The following CEP112 variants were observed in gnomAD, a reference collection of about 807,000 sequenced individuals.
CEP112 encodes centrosomal protein of 112 kDa.
CEP112 carries 127 observed loss-of-function variants against 153.0 expected under a neutral mutation model. The ratio of observed to expected loss-of-function variants is 0.83; its 90% CI spans 0.72 to 0.96. The LOEUF (loss-of-function observed/expected upper bound fraction) is 0.96. CEP112 is among the 40% of genes least tolerant of loss of function. The probability of loss-of-function intolerance (pLI) is 0.00; values close to 1 mark genes in which losing one functional copy is unlikely to be tolerated. For synonymous variants in CEP112, 358 were observed against 374.4 expected, an observed-to-expected ratio of 0.96 and a Z score of 0.51; for missense variants, 1,089 against 1,101.2, an observed-to-expected ratio of 0.99 and a Z score of 0.16.
Position 65,635,755 on chromosome 17 carries a change from C to A in CEP112, c.*216G>T. On this transcript the variant is annotated 3_prime_UTR_variant, in exon 27 of 27. Coordinates refer to ENST00000535342, the MANE Select transcript of CEP112 (RefSeq NM_001199165.4). ...CTCAAATGCACACAAACATGAAAAT[C>A]GGAAATAAAGGAATGTTAAAAAAAT... 1 of 569,088 alleles carries A rather than the reference C, an allele frequency of 1.8e-6. No individual in the cohort carries two copies. 35.3% of individuals were successfully genotyped at this position (569,088 alleles called of 1,614,324 possible). A position where few individuals can be genotyped will look rare whatever the true frequency, so the allele number is the denominator to read the frequency against.
In CEP112 at chr17:65,961,482, T is replaced by C. The variant is rs745438924; in HGVS notation, c.1853A>G (p.Tyr618Cys). The C allele has an allele frequency of 6.8e-6, 11 of 1,610,206 alleles. No homozygotes were observed. Among genetic ancestry groups the C allele is most frequent in the African/African-American group, 4.0e-5 (3 of 74,916 alleles). ...RQVELNSEKV[Y>C]AEMKEQMEKV... is the part of the protein sequence containing the mutation. ...CCTTACCTGCTCTTTCATTTCAGCA[T>C]AGACTTTCTCTGAGTTCAGTTCCAC... The change falls in exon 18 of 27, where the codon TAT becomes TGT. Residue 618 changes from tyrosine to cysteine, a missense_variant. By Grantham distance (194) the Tyr-to-Cys change is radical. Transcript: ENST00000535342.
intron 24 of CEP112, among the ~76,000 whole-genome samples, chr17:65,675,455 CT>C (rs1325327576): frequency 2.0e-5 from 3 of 152,114 alleles, no homozygotes; most frequent in African/African-American, 7.2e-5. Flanking sequence ...ATCCACCCAC[CT>C]CGGCCTCCCA....
chr17:66,054,496 A>C (rs1055224503), intron 11 of CEP112, among the ~76,000 whole-genome samples: 1 of 152,244 alleles, frequency 6.6e-6, no homozygotes, highest in African/African-American at 2.4e-5. Flanking sequence ...TATACTGTTT[A>C]AATGGATGAG....
chr17:65,902,356 C>T (rs977260749), intron 19 of CEP112, 22 bp from the exon 20 acceptor site: 1 of 1,597,632 alleles, frequency 6.3e-7, no homozygotes. Flanking sequence ...ATGAGGAGGA[C>T]AGTTCATCAA....
intron 23 of CEP112, among the ~76,000 whole-genome samples, chr17:65,712,131 G>A (rs2049222557): frequency 6.6e-6 from 1 of 152,074 alleles, no homozygotes; most frequent in Non-Finnish European, 1.5e-5. Flanking sequence ...CAACATCTGA[G>A]AGTCAGCATG....
chr17:66,189,959 G>C lies in CEP112; in HGVS notation c.-9+2038C>G, dbSNP rs185448475. Among the ~76,000 whole-genome samples, 58 of 152,266 alleles carry C rather than the reference G, an allele frequency of 3.8e-4. 1 individual carries two copies. The highest frequency in any genetic ancestry group is 2.9e-3 in the Admixed American group (44 of 15,302). Reference sequence around the variant, plus strand: ...AGGTGGGAGGATCACTTGAGCCCAAGAGGTCAAGGCTGCAATGAGCCAAGA... The same window carrying C: ...AGGTGGGAGGATCACTTGAGCCCAACAGGTCAAGGCTGCAATGAGCCAAGA... On this transcript the variant is annotated intron_variant, in intron 1 of 26. Transcript: ENST00000535342.
intron 12 of CEP112, among the ~76,000 whole-genome samples, chr17:66,041,231 A>G (rs1381724679): frequency 1.4e-5 from 2 of 143,876 alleles, no homozygotes; most frequent in Admixed American, 6.8e-5. Context: ...AGAAACAAAA[A>G]ATATAGCCAT....
intron 21 of CEP112, among the ~76,000 whole-genome samples, chr17:65,779,294 T>G (rs980599460): frequency 6.6e-6 from 1 of 152,216 alleles, no homozygotes; most frequent in African/African-American, 2.4e-5. Context: ...TTTACAACAC[T>G]TCTGATTATC....
At position 66,085,793 on chromosome 17, in the gene CEP112, C is replaced by G. The variant is rs555472366; in HGVS notation, c.768+10458G>C. Among the ~76,000 whole-genome samples, 4 of 151,974 alleles carry G rather than the reference C, an allele frequency of 2.6e-5. No individual in the cohort carries two copies. The East Asian group carries it at 7.8e-4, about 30-fold the overall frequency. ...GGAGTTTGAGACCAGCCTGACCAACCTGGTGAAACCCCGTCTCTACTAAAG... is the reference window on the plus strand; with the variant it reads ...GGAGTTTGAGACCAGCCTGACCAACGTGGTGAAACCCCGTCTCTACTAAAG... On this transcript the variant is annotated intron_variant, in intron 8 of 26. Transcript: ENST00000535342.
intron 11 of CEP112, among the ~76,000 whole-genome samples, chr17:66,061,426 G>T (rs2066915818): frequency 6.6e-6 from 1 of 151,916 alleles, no homozygotes; most frequent in African/African-American, 2.4e-5. Context: ...CCCCCTACTA[G>T]ATATATATCT....
chr17:66,010,123 A>T (rs2064453603), intron 16 of CEP112, among the ~76,000 whole-genome samples: 2 of 152,074 alleles, frequency 1.3e-5, no homozygotes, highest in Admixed American at 6.6e-5. Flanking sequence ...TATTTGTGTC[A>T]TCTCTGATTT....
chr17:65,687,236 G>A (rs1044647986), intron 24 of CEP112, among the ~76,000 whole-genome samples: 41 of 140,028 alleles, frequency 2.9e-4, no homozygotes, highest in African/African-American at 4.0e-4. Context: ...GCGTGATCTC[G>A]GCTCACTGCA....
At chr17:66,021,907 C>G (rs1307944130) in intron 16 of CEP112, among the ~76,000 whole-genome samples, 2 of 152,184 alleles carry the variant, frequency 1.3e-5, no homozygotes, top group African/African-American at 4.8e-5. Context: ...AACTTTATTC[C>G]TACAAGAGCA....
intron 6 of CEP112, among the ~76,000 whole-genome samples, chr17:66,124,209 T>C (rs577303864): frequency 7.9e-5 from 12 of 152,218 alleles, no homozygotes; most frequent in African/African-American, 2.9e-4. Context: ...CTGGAACTTG[T>C]ATGGTTCATA....
intron 18 of CEP112, among the ~76,000 whole-genome samples, chr17:65,958,206 C>T (rs1220132490): frequency 6.6e-6 from 1 of 152,046 alleles, no homozygotes; most frequent in Non-Finnish European, 1.5e-5. Context: ...TGTATTCATA[C>T]AAATTTTTTC....
chr17:66,056,562 T>C (rs184328628), intron 11 of CEP112, among the ~76,000 whole-genome samples: 23 of 152,324 alleles, frequency 1.5e-4, no homozygotes, highest in Middle Eastern at 3.4e-3. Context: ...ATAAAACTGA[T>C]TGAACTATTG....
intron 16 of CEP112, among the ~76,000 whole-genome samples, chr17:66,023,684 T>C (rs1041847331): frequency 1.3e-5 from 2 of 151,828 alleles, no homozygotes; most frequent in African/African-American, 4.8e-5. Flanking sequence ...AGAAATTAAA[T>C]AGCAACATGA....
chr17:65,932,034 C>G (rs2061143594), intron 18 of CEP112, among the ~76,000 whole-genome samples: 1 of 152,188 alleles, frequency 6.6e-6, no homozygotes. Context: ...CAGCCTGCAA[C>G]CCTGCCTAAT....
At chr17:65,846,411 C>G (rs1048555008) in intron 21 of CEP112, among the ~76,000 whole-genome samples, 1 of 152,154 alleles carries the variant, frequency 6.6e-6, no homozygotes, top group African/African-American at 2.4e-5. Flanking sequence ...ACTAAAAGAA[C>G]ATATAAATAT....
Sources: gnomAD v4.1 joint callset for allele counts (sites outside exome capture counted in the v4.1 genomes callset) on GRCh38, gnomAD v4.1.1 for gene constraint, MANE v1.5 for transcripts, NCBI Gene and HGNC (gene_info 2026-07-23, HGNC 2026-07-21) for gene names.